Variants in TACR1 observed in about 807,000 individuals in gnomAD.
TACR1 encodes substance-P receptor.
A neutral mutation model predicts 35.8 loss-of-function variants in TACR1; 25 were observed. That is an observed-to-expected ratio of 0.70 (90% CI 0.51 to 0.98). TACR1 has a LOEUF of 0.98. TACR1 is among the 50% of genes least tolerant of loss of function. TACR1 has a pLI of 0.00. For missense variants in TACR1, 478 were observed against 522.9 expected, an observed-to-expected ratio of 0.91 and a Z score of 0.84; for synonymous variants, 195 against 206.7, an observed-to-expected ratio of 0.94 and a Z score of 0.48.
intron 2 of TACR1, among the ~76,000 whole-genome samples, chr2:75,103,666 GA>G (rs1673585376): frequency 6.6e-6 from 1 of 152,130 alleles, no homozygotes; most frequent in African/African-American, 2.4e-5. Context: ...TGCAGTAAAG[GA>G]GTAGGAACAT....
chr2:75,120,048 G>T (rs1370993031), intron 2 of TACR1, among the ~76,000 whole-genome samples: 5 of 152,144 alleles, frequency 3.3e-5, no homozygotes, highest in Non-Finnish European at 7.4e-5. Flanking sequence ...TCAGATGCCA[G>T]CTCCCCTTAG....
chr2:75,074,835 G>A (rs1013316228), intron 2 of TACR1, among the ~76,000 whole-genome samples: 8 of 152,162 alleles, frequency 5.3e-5, no homozygotes, highest in Non-Finnish European at 1.0e-4. Flanking sequence ...AACAGGGTCA[G>A]GGAACATCTA....
intron 1 of TACR1, among the ~76,000 whole-genome samples, chr2:75,177,058 G>T (rs1302894668): frequency 6.6e-6 from 1 of 152,076 alleles, no homozygotes; most frequent in Non-Finnish European, 1.5e-5. Flanking sequence ...GATGGTGGCT[G>T]TTCCTCCTCC....
chr2:75,148,412 C>A (rs1324262547), intron 1 of TACR1, among the ~76,000 whole-genome samples: 4 of 152,178 alleles, frequency 2.6e-5, no homozygotes, highest in Non-Finnish European at 5.9e-5. Flanking sequence ...AATCACCATC[C>A]TGACTGACCT....
chr2:75,176,034 G>C (rs1345588557), intron 1 of TACR1, among the ~76,000 whole-genome samples: 1 of 117,604 alleles, frequency 8.5e-6, no homozygotes, highest in Non-Finnish European at 1.9e-5. Flanking sequence ...AAAAAAAAAG[G>C]AAACAGAAAA....
intron 2 of TACR1, among the ~76,000 whole-genome samples, chr2:75,060,499 C>G (rs1672649738): frequency 6.6e-6 from 1 of 151,978 alleles, no homozygotes; most frequent in African/African-American, 2.4e-5. Context: ...GGGGGAGGAG[C>G]CTGGCATGAG....
chr2:75,193,851 G>C (rs1298647272), intron 1 of TACR1, among the ~76,000 whole-genome samples: 1 of 152,058 alleles, frequency 6.6e-6, no homozygotes, highest in African/African-American at 2.4e-5. Context: ...CTCTAAATCA[G>C]TCTTATTTGC....
At chr2:75,071,470 T>A (rs1672877445) in intron 2 of TACR1, among the ~76,000 whole-genome samples, 2 of 152,198 alleles carry the variant, frequency 1.3e-5, no homozygotes, top group South Asian at 4.1e-4. Context: ...CCCAGAGTAT[T>A]CAACATCGAC....
chr2:75,139,194 A>G (rs1480966524), intron 1 of TACR1, among the ~76,000 whole-genome samples: 10 of 152,068 alleles, frequency 6.6e-5, no homozygotes, highest in Admixed American at 6.5e-4. Context: ...TATCATGTAG[A>G]CTCTTCATAG....
chr2:75,091,233 C>T (rs1391843178), intron 2 of TACR1, among the ~76,000 whole-genome samples: 1 of 150,232 alleles, frequency 6.7e-6, no homozygotes, highest in African/African-American at 2.5e-5. Context: ...AAAATCTCCC[C>T]TGAATTTCCG....
At chr2:75,106,461 C>T (rs1402099327) in intron 2 of TACR1, among the ~76,000 whole-genome samples, 2 of 151,914 alleles carry the variant, frequency 1.3e-5, no homozygotes, top group Non-Finnish European at 2.9e-5. Flanking sequence ...GTAATTTTAA[C>T]CTCATATACC....
intron 2 of TACR1, among the ~76,000 whole-genome samples, chr2:75,116,891 C>G (rs1673873549): frequency 6.6e-6 from 1 of 150,800 alleles, no homozygotes; most frequent in Non-Finnish European, 1.5e-5. Context: ...GCCTGGGAAA[C>G]AAGAGTGAAA....
intron 1 of TACR1, among the ~76,000 whole-genome samples, chr2:75,164,721 G>A (rs1012651828): frequency 2.6e-5 from 4 of 152,190 alleles, no homozygotes; most frequent in African/African-American, 9.7e-5. Flanking sequence ...TTCTATGACT[G>A]TAGTTACACT....
In TACR1 at chr2:75,199,204, C is replaced by A; in HGVS notation, c.-270G>T. 2.3e-6 allele frequency: 1 copy of A among 431,254 alleles called. No individual in the cohort carries two copies. The highest frequency in any genetic ancestry group is 4.1e-5 in the South Asian group (1 of 24,660). 26.7% of individuals were successfully genotyped at this position (431,254 alleles called of 1,614,324 possible). On this transcript the variant is annotated 5_prime_UTR_variant, in exon 1 of 5. Coordinates refer to ENST00000305249, the MANE Select transcript of TACR1 (RefSeq NM_001058.4). ...GTTCAGAAGTCTGGAGACAGCATCT[C>A]TCTTGCGGTAAACTGAAAAAGGGAA...
chr2:75,196,295 T>C (rs1039934603), intron 1 of TACR1, among the ~76,000 whole-genome samples: 5 of 152,156 alleles, frequency 3.3e-5, no homozygotes, highest in Admixed American at 2.0e-4. Context: ...AGGAAATATA[T>C]TCATTGGAAG....
chr2:75,157,429 A>G (rs985206241), intron 1 of TACR1, among the ~76,000 whole-genome samples: 28 of 152,214 alleles, frequency 1.8e-4, no homozygotes, highest in Non-Finnish European at 5.9e-5. Context: ...ATAACGACCT[A>G]CGAAGACAGG....
intron 1 of TACR1, among the ~76,000 whole-genome samples, chr2:75,172,531 GAT>G: frequency 1.3e-5 from 2 of 152,038 alleles, no homozygotes; most frequent in Admixed American, 1.3e-4. Context: ...ACACATCTCA[GAT>G]GCCTGAGATG....
chr2:75,132,422 G>A (rs1404698970), intron 1 of TACR1, among the ~76,000 whole-genome samples: 2 of 152,030 alleles, frequency 1.3e-5, no homozygotes, highest in South Asian at 2.1e-4. Context: ...TATTTTAACT[G>A]TTATTATTGT....
At chr2:75,132,378 C>A (rs577764646) in intron 1 of TACR1, among the ~76,000 whole-genome samples, 1 of 152,248 alleles carries the variant, frequency 6.6e-6, no homozygotes, top group African/African-American at 2.4e-5. Flanking sequence ...TTCAGCAAGT[C>A]TAATCTGCTA....
Sources: allele counts gnomAD v4.1 joint callset (sites outside exome capture counted in the v4.1 genomes callset), GRCh38; gene constraint gnomAD v4.1.1; transcripts MANE v1.5; gene names NCBI Gene and HGNC (gene_info 2026-07-23, HGNC 2026-07-21).